Variants in SGCD observed in about 807,000 individuals in gnomAD.
The protein encoded by SGCD is delta-sarcoglycan.
Under a neutral mutation model 36.6 loss-of-function variants are expected in SGCD, and 18 were observed. The observed-to-expected ratio is 0.49, with a 90% confidence interval of 0.34 to 0.73. SGCD has a LOEUF of 0.73. SGCD is among the 30% of genes least tolerant of loss of function. SGCD has a pLI of 0.01. For synonymous variants in SGCD, 133 were observed against 130.6 expected (o/e 1.02, Z -0.12); for missense variants, 387 against 346.7 (o/e 1.12, Z -0.92).
intron 3 of SGCD, among the ~76,000 whole-genome samples, chr5:156,242,110 A>G (rs1765321234): frequency 6.6e-6 from 1 of 152,200 alleles, no homozygotes. Flanking sequence ...CACAATCCAT[A>G]TGTCCTTCAG....
the SGCD span, among the ~76,000 whole-genome samples, chr5:155,820,694 C>T: frequency 6.6e-6 from 1 of 151,930 alleles, no homozygotes; most frequent in Non-Finnish European, 1.5e-5. Flanking sequence ...GAAATGTTGT[C>T]TCAAGACAAA....
chr5:156,129,426 C>A (rs1263010618), intron 3 of SGCD, among the ~76,000 whole-genome samples: 1 of 152,144 alleles, frequency 6.6e-6, no homozygotes, highest in Non-Finnish European at 1.5e-5. Flanking sequence ...GACTCCAAGG[C>A]CTGGCTTAAT....
At chr5:156,531,797 A>T (rs766114649) in intron 4 of SGCD, among the ~76,000 whole-genome samples, 10 of 151,554 alleles carry the variant, frequency 6.6e-5, no homozygotes, top group Non-Finnish European at 1.3e-4. Context: ...AATGGGAAAA[A>T]AAAAGACTCT....
intron 3 of SGCD, among the ~76,000 whole-genome samples, chr5:156,368,896 T>A (rs766731918): frequency 6.6e-6 from 1 of 152,174 alleles, no homozygotes; most frequent in Non-Finnish European, 1.5e-5. Context: ...TATATTGCAA[T>A]GTAAAAATAA....
At chr5:155,931,381 T>C (rs565615795) in intron 1 of SGCD, among the ~76,000 whole-genome samples, 16 of 152,206 alleles carry the variant, frequency 1.1e-4, no homozygotes, top group Non-Finnish European at 2.4e-4. Flanking sequence ...CCATTTTTTA[T>C]TTTAACATCA....
chr5:156,474,798 C>T (rs940680403), intron 3 of SGCD, among the ~76,000 whole-genome samples: 15 of 152,120 alleles, frequency 9.9e-5, no homozygotes, highest in South Asian at 2.1e-4. Context: ...GCCTATTTTG[C>T]CATGATATTA....
intron 3 of SGCD, among the ~76,000 whole-genome samples, chr5:156,271,989 C>T (rs1766193348): frequency 6.6e-6 from 1 of 152,286 alleles, no homozygotes; most frequent in Non-Finnish European, 1.5e-5. Context: ...GAAAATGTCA[C>T]TTGTCTTATA....
intron 6 of SGCD, among the ~76,000 whole-genome samples, chr5:156,632,047 T>A (rs1762658413): frequency 6.6e-6 from 1 of 152,250 alleles, no homozygotes; most frequent in Non-Finnish European, 1.5e-5. Context: ...CTGAGAAGTC[T>A]AGATATGACC....
chr5:155,730,662 G>A, the SGCD span, among the ~76,000 whole-genome samples: 1 of 152,172 alleles, frequency 6.6e-6, no homozygotes, highest in East Asian at 1.9e-4. Flanking sequence ...ACCTACTGTG[G>A]AGTGAGATGT....
chr5:156,449,677 C>CAAAA lies in SGCD; in HGVS notation c.193-58902_193-58899dup, dbSNP rs397883573. 1.8e-3 allele frequency among the ~76,000 whole-genome samples: 85 copies of CAAAA among 46,048 alleles called. 5 individuals are homozygous for CAAAA. The highest frequency in any genetic ancestry group is 5.6e-3 in the African/African-American group (65 of 11,562). The allele number at this position is 46,048 out of a possible 152,430, so 30.2% of individuals were successfully genotyped here. ...TGAAACTCCGTCTCTACTAAAAATA[C>CAAAA]AAAAAAAAAAAAAAAAAAAAAAAAA... is the stretch of plus-strand genomic sequence containing the variant. On this transcript the variant is annotated intron_variant, in intron 3 of 8. Transcript: ENST00000337851.
the SGCD span, among the ~76,000 whole-genome samples, chr5:155,859,471 A>G: frequency 9.9e-5 from 15 of 152,144 alleles, no homozygotes; most frequent in African/African-American, 3.4e-4. Flanking sequence ...TGTAACTATG[A>G]CTTTTACAGC....
chr5:155,781,612 C>T, the SGCD span, among the ~76,000 whole-genome samples: 1 of 152,052 alleles, frequency 6.6e-6, no homozygotes, highest in Non-Finnish European at 1.5e-5. Flanking sequence ...TAGGCATGCA[C>T]TACTATGCCT....
chr5:155,741,581 G>T, the SGCD span, among the ~76,000 whole-genome samples: 2 of 151,826 alleles, frequency 1.3e-5, no homozygotes, highest in Non-Finnish European at 2.9e-5. Flanking sequence ...CTGGTCAGTT[G>T]TGCCTGAATT....
chr5:156,564,481 C>A (rs542456882), intron 4 of SGCD, among the ~76,000 whole-genome samples: 1 of 152,044 alleles, frequency 6.6e-6, no homozygotes, highest in Admixed American at 6.6e-5. Context: ...ATTTAATTTA[C>A]GTTATGTAAA....
rs181928679 is a variant in SGCD, at chr5:156,444,800, A to C, written c.193-63801A>C. Among the ~76,000 whole-genome samples the C allele has an allele frequency of 4.6e-5, 7 of 152,308 alleles. No homozygotes were observed. The East Asian group carries it at 1.3e-3, about 29-fold the overall frequency. Reference sequence around the variant, plus strand: ...CACTGTAATTACATCAACATTTTTAAGCTTAAAAAAATGTTAGAGAAAGAA... The same window carrying C: ...CACTGTAATTACATCAACATTTTTACGCTTAAAAAAATGTTAGAGAAAGAA... On this transcript the variant is annotated intron_variant, in intron 3 of 8. Transcript: ENST00000337851.
At chr5:156,429,282 TACTGTTCTTGC>T (rs1773820478) in intron 3 of SGCD, among the ~76,000 whole-genome samples, 3 of 148,056 alleles carry the variant, frequency 2.0e-5, no homozygotes, top group African/African-American at 7.6e-5. Flanking sequence ...TTTTTTTTTT[TACTGTTCTTGC>T]TTTAAAGTCT....
In SGCD at chr5:156,416,348, G is replaced by T. The variant is rs1390555702; in HGVS notation, c.192+71671G>T. 5.3e-5 allele frequency among the ~76,000 whole-genome samples: 8 copies of T among 152,218 alleles called. No homozygotes were observed. The South Asian group carries it at 1.7e-3, about 32-fold the overall frequency. Reference sequence around the variant, plus strand: ...ACAAAGGCATAAGAATGATACATTGGACTTTGAGAACTTGGGGGAAAGGGT... The same window carrying T: ...ACAAAGGCATAAGAATGATACATTGTACTTTGAGAACTTGGGGGAAAGGGT... On this transcript the variant is annotated intron_variant, in intron 3 of 8. Coordinates refer to ENST00000337851, the MANE Select transcript of SGCD (RefSeq NM_000337.6).
At chr5:156,324,031 A>T (rs1767742525), upstream of SGCD, among the ~76,000 whole-genome samples, 1 of 152,228 alleles carries the variant, frequency 6.6e-6, no homozygotes, top group Non-Finnish European at 1.5e-5. Context: ...AAAACTGTCA[A>T]ATTATACTTT....
At chr5:156,530,868 G>A (rs1033755443) in intron 4 of SGCD, among the ~76,000 whole-genome samples, 3 of 152,130 alleles carry the variant, frequency 2.0e-5, no homozygotes, top group African/African-American at 4.8e-5. Context: ...GTGAGCCACC[G>A]TGTCTGGCCG....
Sources: allele counts gnomAD v4.1 joint callset (sites outside exome capture counted in the v4.1 genomes callset), GRCh38; gene constraint gnomAD v4.1.1; transcripts MANE v1.5; gene names NCBI Gene and HGNC (gene_info 2026-07-23, HGNC 2026-07-21).